Variants in FAM169A observed in about 807,000 individuals in gnomAD.
FAM169A encodes the protein soluble lamin-associated protein of 75 kDa.
In FAM169A, 24 loss-of-function variants were observed where a neutral mutation model predicts 75.7. The ratio of observed to expected loss-of-function variants is 0.32; its 90% CI spans 0.23 to 0.45. FAM169A has a LOEUF of 0.45. FAM169A is among the 20% of genes least tolerant of loss of function. The pLI is 1.00. For missense variants in FAM169A, 673 were observed against 784.0 expected (o/e 0.86, Z 1.69); for synonymous variants, 271 against 271.0 (o/e 1.00, Z 0.00).
chr5:74,799,442 G>C, intron 10 of FAM169A: 1 of 1,612,832 alleles, frequency 6.2e-7, no homozygotes, highest in East Asian at 2.2e-5. Context: ...AGCTTGGATT[G>C]GCATCCCAAC....
intron 1 of FAM169A, among the ~76,000 whole-genome samples, chr5:74,844,475 A>C (rs1274628830): frequency 6.6e-6 from 1 of 151,936 alleles, no homozygotes; most frequent in Non-Finnish European, 1.5e-5. Flanking sequence ...AAAAAACAAA[A>C]AAAGAAAAGA....
chr5:74,786,417 C>A (rs893227911), intron 11 of FAM169A, among the ~76,000 whole-genome samples: 2 of 152,050 alleles, frequency 1.3e-5, no homozygotes, highest in East Asian at 3.9e-4. Flanking sequence ...GATCAGACAC[C>A]AAAATGCTAA....
At chr5:74,818,695 G>A (rs1747599897) in intron 5 of FAM169A, among the ~76,000 whole-genome samples, 1 of 151,440 alleles carries the variant, frequency 6.6e-6, no homozygotes, top group South Asian at 2.1e-4. Context: ...AAATGGGAGA[G>A]AGGAATAGAT....
intron 1 of FAM169A, among the ~76,000 whole-genome samples, chr5:74,862,160 A>AGG (rs1561331839): frequency 3.9e-5 from 6 of 152,042 alleles, no homozygotes; most frequent in Non-Finnish European, 1.5e-5. Flanking sequence ...TCTTTTCTCC[A>AGG]CTCCAATCCA....
At chr5:74,786,446 T>C (rs1745698228) in intron 11 of FAM169A, among the ~76,000 whole-genome samples, 1 of 152,142 alleles carries the variant, frequency 6.6e-6, no homozygotes, top group Non-Finnish European at 1.5e-5. Flanking sequence ...CTTCTAATAG[T>C]ATGGAGAACA....
rs992131966 is a variant in FAM169A, at chr5:74,839,154, G to A, written c.233-104C>T. 6.2e-6 allele frequency: 5 copies of A among 803,618 alleles called. No individual in the cohort carries two copies. In the African/African-American group the frequency reaches 8.7e-5, roughly 14 times the overall value. 49.8% of individuals were successfully genotyped at this position (803,618 alleles called of 1,614,324 possible). ...AAGTATCCATATACTTTATATTTAA[G>A]AGTATCTATATAAACCTTACCAAAT... On this transcript the variant is annotated intron_variant, in intron 3 of 12. Coordinates refer to ENST00000687041, the MANE Select transcript of FAM169A (RefSeq NM_001376049.1).
chr5:74,795,872 C>T (rs751082824), intron 11 of FAM169A, among the ~76,000 whole-genome samples, 158 bp downstream of exon 11: 6 of 152,206 alleles, frequency 3.9e-5, no homozygotes, highest in Admixed American at 1.3e-4. Context: ...CTCTCCCCAA[C>T]TCTAGTACCT....
Position 74,796,205 on chromosome 5 carries a change from C to A in FAM169A, c.1104-19G>T. On this transcript the variant is annotated intron_variant, in intron 10 of 12. Transcript: ENST00000687041. ...CTCCAATCTAAAAAACAAAAGAAAA[C>A]CATTCTGACTTGTTTTATTAAGGAT... is the stretch of plus-strand genomic sequence containing the variant. 1.3e-6 allele frequency: 2 copies of A among 1,590,578 alleles called. No individual in the cohort carries two copies. The highest frequency in any genetic ancestry group is 1.4e-5 in the African/African-American group (1 of 73,686).
At chr5:74,799,981 T>C (rs922718736) in intron 10 of FAM169A, 1 of 800,548 alleles carries the variant, frequency 1.2e-6, no homozygotes, top group African/African-American at 1.7e-5. Flanking sequence ...ATCACTCAAG[T>C]CTCTATTTAT....
At chr5:74,808,782 T>A (rs554544331) in intron 6 of FAM169A, among the ~76,000 whole-genome samples, 1 of 151,478 alleles carries the variant, frequency 6.6e-6, no homozygotes, top group African/African-American at 2.4e-5. Flanking sequence ...GAAAGCAGAG[T>A]GGTATTAGGG....
chr5:74,800,405 G>A (rs570723192), intron 10 of FAM169A, among the ~76,000 whole-genome samples: 366 of 152,040 alleles, frequency 2.4e-3, no homozygotes, highest in Non-Finnish European at 4.2e-3. Flanking sequence ...AATTGAATGC[G>A]GGGGGAAAAA....
chr5:74,790,650 G>A (rs1245463542), intron 11 of FAM169A, among the ~76,000 whole-genome samples: 1 of 152,108 alleles, frequency 6.6e-6, no homozygotes, highest in East Asian at 1.9e-4. Flanking sequence ...TTACCCAGCC[G>A]CCCCTGTCAT....
chr5:74,812,588 T>G (rs1747258301), intron 6 of FAM169A, among the ~76,000 whole-genome samples: 2 of 152,156 alleles, frequency 1.3e-5, no homozygotes, highest in Non-Finnish European at 2.9e-5. Flanking sequence ...CTTCTTTATT[T>G]CTTTTTGTAT....
intron 11 of FAM169A, among the ~76,000 whole-genome samples, chr5:74,790,159 C>T (rs988172907): frequency 2.6e-5 from 4 of 152,216 alleles, no homozygotes; most frequent in Non-Finnish European, 5.9e-5. Context: ...CCCTAGCCTG[C>T]ACCGATGGCC....
chr5:74,818,115 T>A (rs1432627998), intron 5 of FAM169A, among the ~76,000 whole-genome samples: 2 of 152,130 alleles, frequency 1.3e-5, no homozygotes, highest in East Asian at 3.8e-4. Flanking sequence ...TTCTTAGATA[T>A]AACACCAAAA....
At chr5:74,860,928 G>C (rs549642059) in intron 1 of FAM169A, among the ~76,000 whole-genome samples, 2 of 151,828 alleles carry the variant, frequency 1.3e-5, no homozygotes, top group South Asian at 4.2e-4. Flanking sequence ...ACGAGGTCAG[G>C]AGTTTGAGAC....
chr5:74,794,002 CAA>C (rs1276485325), intron 11 of FAM169A, among the ~76,000 whole-genome samples: 11 of 50,732 alleles, frequency 2.2e-4, no homozygotes, highest in South Asian at 1.4e-3. Flanking sequence ...GACTCCATCT[CAA>C]AAAAAAAAAA....
chr5:74,811,117 G>A (rs1747172635), intron 6 of FAM169A, among the ~76,000 whole-genome samples: 1 of 151,668 alleles, frequency 6.6e-6, no homozygotes, highest in Non-Finnish European at 1.5e-5. Flanking sequence ...CTGAGTAGCT[G>A]GGATTACAGA....
At chr5:74,806,006 A>G (rs1042411980) in intron 6 of FAM169A, among the ~76,000 whole-genome samples, 8 of 150,460 alleles carry the variant, frequency 5.3e-5, no homozygotes, top group Non-Finnish European at 1.2e-4. Context: ...AATAATATTC[A>G]GGTCAATTCT....
Sources: gnomAD v4.1 joint callset for allele counts (sites outside exome capture counted in the v4.1 genomes callset) on GRCh38, gnomAD v4.1.1 for gene constraint, MANE v1.5 for transcripts, NCBI Gene and HGNC (gene_info 2026-07-23, HGNC 2026-07-21) for gene names.